STAU1: variants seen among roughly 807,000 people sequenced by gnomAD.
STAU1 encodes staufen double-stranded RNA binding protein 1, also known as double-stranded RNA-binding protein Staufen homolog 1.
STAU1 carries 13 observed loss-of-function variants against 62.9 expected under a neutral mutation model. That is an observed-to-expected ratio of 0.21 (90% CI 0.13 to 0.33). The LOEUF is 0.33. Among genes scored for constraint, STAU1 ranks in the 10% least tolerant of loss-of-function variants. The probability of loss-of-function intolerance (pLI) is 1.00; values close to 1 mark genes in which losing one functional copy is unlikely to be tolerated. For synonymous variants in STAU1, 269 were observed against 265.1 expected (o/e 1.01, Z -0.14); for missense variants, 571 against 712.1 (o/e 0.80, Z 2.25).
the STAU1 span, among the ~76,000 whole-genome samples, chr20:49,195,535 C>CAAAAAAAAAAAAAAAAAAAA: frequency 1.6e-4 from 6 of 38,148 alleles, no homozygotes; most frequent in Non-Finnish European, 1.5e-4. Context: ...GACTCCGTCT[C>CAAAAAAAAAAAAAAAAAAAA]AAAAAAAAAA....
intron 3 of STAU1, among the ~76,000 whole-genome samples, chr20:49,156,875 GA>G (rs1313246611): frequency 8.3e-5 from 7 of 84,728 alleles, no homozygotes; most frequent in South Asian, 6.3e-4. Flanking sequence ...TGTATGCACT[GA>G]AATTTTTTTT....
At chr20:49,163,074 C>T (rs2146355038) in intron 3 of STAU1, among the ~76,000 whole-genome samples, 1 of 152,108 alleles carries the variant, frequency 6.6e-6, no homozygotes, top group African/African-American at 2.4e-5. Context: ...TGCCTATAGT[C>T]CCAGCTACTC....
At chr20:49,156,354 T>G (rs2093356482) in intron 3 of STAU1, among the ~76,000 whole-genome samples, 1 of 152,218 alleles carries the variant, frequency 6.6e-6, no homozygotes, top group Admixed American at 6.5e-5. Flanking sequence ...AAACCACTGC[T>G]TTACAATGAG....
intron 8 of STAU1, 62 bp from the exon 9 acceptor site, chr20:49,120,190 A>C (rs1213863010): frequency 6.5e-7 from 1 of 1,544,362 alleles, no homozygotes; most frequent in Non-Finnish European, 8.8e-7. Flanking sequence ...ACCAGGCAGG[A>C]ATTGGTGTGT....
At chr20:49,170,159 T>G (rs890860294) in intron 2 of STAU1, among the ~76,000 whole-genome samples, 1 of 152,190 alleles carries the variant, frequency 6.6e-6, no homozygotes, top group Non-Finnish European at 1.5e-5. Context: ...CTACCAAGAC[T>G]AGACCATACT....
intron 6 of STAU1, among the ~76,000 whole-genome samples, chr20:49,130,672 C>A (rs1257471663): frequency 6.6e-6 from 1 of 152,120 alleles, no homozygotes; most frequent in Non-Finnish European, 1.5e-5. Context: ...CTGTAGAATG[C>A]CAGCTTGGAA....
chr20:49,156,929 T>G (rs967880283), intron 3 of STAU1, among the ~76,000 whole-genome samples: 1 of 151,530 alleles, frequency 6.6e-6, no homozygotes, highest in African/African-American at 2.4e-5. Flanking sequence ...CAGGTTAGAG[T>G]GCAGTGGTGT....
intron 3 of STAU1, 49 bp downstream of exon 3, chr20:49,165,948 A>C (rs751996131): frequency 1.3e-6 from 2 of 1,590,936 alleles, no homozygotes; most frequent in Admixed American, 3.3e-5. Context: ...ATCAGAAAAC[A>C]GGGTAAGAAA....
rs142131632 is a variant in STAU1 at position 49,141,041 on chromosome 20, T to C, written c.511-5110A>G. Among the ~76,000 whole-genome samples the C allele has an allele frequency of 9.5e-4, 145 of 151,968 alleles. 1 individual carries two copies. Among genetic ancestry groups the C allele is most frequent in the Admixed American group, 7.2e-3 (110 of 15,254 alleles). On this transcript the variant is annotated intron_variant, in intron 5 of 13. Transcript: ENST00000371856. ...ACTGTGCCAATGAGAATGCTCTTTATGAGCAGCCAGAACACAACTTGGAAA... is the reference window on the plus strand; with the variant it reads ...ACTGTGCCAATGAGAATGCTCTTTACGAGCAGCCAGAACACAACTTGGAAA...
At chr20:49,193,467 T>C in the STAU1 span, among the ~76,000 whole-genome samples, 5 of 152,052 alleles carry the variant, frequency 3.3e-5, no homozygotes, top group Admixed American at 6.5e-5. Flanking sequence ...GGTCAAGAGA[T>C]AGAGACCATC....
intron 5 of STAU1, among the ~76,000 whole-genome samples, chr20:49,148,774 C>T (rs536304980): frequency 6.6e-6 from 1 of 152,224 alleles, no homozygotes; most frequent in Non-Finnish European, 1.5e-5. Context: ...TGCCAACCAA[C>T]GCTGCTCTAG....
chr20:49,125,333 A>C (rs1210702108), intron 6 of STAU1, among the ~76,000 whole-genome samples: 1 of 150,936 alleles, frequency 6.6e-6, no homozygotes, highest in Non-Finnish European at 1.5e-5. Flanking sequence ...GTTCAAGACC[A>C]GCCTGGCCAA....
intron 5 of STAU1, among the ~76,000 whole-genome samples, chr20:49,142,262 ATT>A (rs919662460): frequency 5.9e-5 from 9 of 151,690 alleles, no homozygotes; most frequent in Admixed American, 2.0e-4. Context: ...AATTTTTTGT[ATT>A]TTTAGTAGAG....
At chr20:49,150,211 C>T (rs189209321) in intron 5 of STAU1, among the ~76,000 whole-genome samples, 1 of 152,254 alleles carries the variant, frequency 6.6e-6, no homozygotes. Flanking sequence ...ATGTTAAAAT[C>T]CTTTTCCTAT....
At chr20:49,125,534 GAAAAAA>G (rs527934630) in intron 6 of STAU1, among the ~76,000 whole-genome samples, 5 of 76,374 alleles carry the variant, frequency 6.5e-5, no homozygotes, top group Non-Finnish European at 1.3e-4. Context: ...TGTCTCAAAG[GAAAAAA>G]AAAAAAAAAA....
intron 5 of STAU1, among the ~76,000 whole-genome samples, chr20:49,138,452 G>A (rs1284234605): frequency 6.6e-6 from 1 of 152,070 alleles, no homozygotes; most frequent in Non-Finnish European, 1.5e-5. Flanking sequence ...TATCTCACCT[G>A]AGTCAAAACT....
At chr20:49,185,001 T>C (rs1312540748) in intron 1 of STAU1, among the ~76,000 whole-genome samples, 1 of 152,198 alleles carries the variant, frequency 6.6e-6, no homozygotes, top group African/African-American at 2.4e-5. Context: ...AGAGATCCTT[T>C]AGACACAAGA....
intron 2 of STAU1, among the ~76,000 whole-genome samples, chr20:49,169,017 C>T (rs540220295): frequency 6.7e-6 from 1 of 149,610 alleles, no homozygotes; most frequent in South Asian, 2.1e-4. Context: ...GTGGTGTGAT[C>T]TCCGCTCACT....
chr20:49,151,795 T>C, intron 4 of STAU1, 48 bp from the exon 5 acceptor site: 3 of 1,553,584 alleles, frequency 1.9e-6, no homozygotes, highest in Middle Eastern at 1.7e-4. Context: ...AGTTGATAAG[T>C]CACCTATACA....
Sources: gnomAD v4.1 joint callset for allele counts (sites outside exome capture counted in the v4.1 genomes callset) on GRCh38, gnomAD v4.1.1 for gene constraint, MANE v1.5 for transcripts, NCBI Gene and HGNC (gene_info 2026-07-23, HGNC 2026-07-21) for gene names.